GCLC: variants seen among roughly 807,000 people sequenced by gnomAD.
GCLC encodes the protein glutamate--cysteine ligase catalytic subunit.
Under a neutral mutation model 81.5 loss-of-function variants are expected in GCLC, and 30 were observed. The ratio of observed to expected loss-of-function variants is 0.37; its 90% CI spans 0.28 to 0.50. GCLC has a LOEUF of 0.50. GCLC is among the 20% of genes least tolerant of loss of function. The probability of loss-of-function intolerance (pLI) is 0.96; values close to 1 mark genes in which losing one functional copy is unlikely to be tolerated. For synonymous variants in GCLC, 262 were observed against 273.3 expected, an observed-to-expected ratio of 0.96 and a Z score of 0.41; for missense variants, 556 against 777.4, an observed-to-expected ratio of 0.72 and a Z score of 3.39.
At chr6:53,528,454 C>T (rs1035161548) in intron 1 of GCLC, among the ~76,000 whole-genome samples, 1 of 152,066 alleles carries the variant, frequency 6.6e-6, no homozygotes, top group Non-Finnish European at 1.5e-5. Context: ...ATATTTTAAA[C>T]ATATATATTT....
intron 6 of GCLC, among the ~76,000 whole-genome samples, chr6:53,510,966 C>G (rs1273324671): frequency 6.6e-6 from 1 of 152,098 alleles, no homozygotes; most frequent in Non-Finnish European, 1.5e-5. Context: ...ATAACCAAAC[C>G]AAGGGCAGTT....
At chr6:53,513,188 A>C (rs1764789116) in intron 6 of GCLC, 1 of 152,242 alleles carries the variant, frequency 6.6e-6, no homozygotes, top group Non-Finnish European at 1.5e-5. Flanking sequence ...ATGCACAAGA[A>C]GTGTGTGTGC....
At chr6:53,533,396 A>C (rs1763204581) in intron 1 of GCLC, among the ~76,000 whole-genome samples, 1 of 152,226 alleles carries the variant, frequency 6.6e-6, no homozygotes, top group Non-Finnish European at 1.5e-5. Context: ...CCAACTGGCA[A>C]ATCCAGAGGC....
intron 1 of GCLC, among the ~76,000 whole-genome samples, chr6:53,524,413 G>A (rs1404720152): frequency 6.6e-6 from 1 of 152,176 alleles, no homozygotes; most frequent in Non-Finnish European, 1.5e-5. Flanking sequence ...TATAATACTG[G>A]ATGAAACTAT....
Position 53,506,907 on chromosome 6 carries a change from A to G in GCLC, c.1197+6T>C, listed in dbSNP as rs770602152. On this transcript the variant is annotated splice_donor_region_variant and intron_variant, in intron 10 of 15. Transcript: ENST00000650454. This position sits in a 1 kb window ranked among gnomAD's most constrained non-coding sequence, Gnocchi z 4.0. ...TAAATAAATAAAAATAAAACTGAGA[A>G]GATACCTCAAAATGGTCAGACTCAT... The G allele has an allele frequency of 2.9e-6, 4 of 1,371,352 alleles. No homozygotes were observed. The South Asian group carries it at 4.6e-5, about 16-fold the overall frequency. 84.9% of individuals were successfully genotyped at this position (1,371,352 alleles called of 1,614,324 possible).
Position 53,516,235 on chromosome 6 carries a change from G to A in GCLC, c.447-13C>T. On this transcript the variant is annotated splice_polypyrimidine_tract_variant and intron_variant, in intron 3 of 15. Coordinates refer to ENST00000650454, the MANE Select transcript of GCLC (RefSeq NM_001498.4). The stretch of plus-strand genomic sequence containing the variant: ...AGGACAGCCTAATCTACAACAAATT[G>A]AAGAACTAAATAGATGGGATTTGTT... The A allele has an allele frequency of 6.7e-7, 1 of 1,491,776 alleles. No individual in the cohort carries two copies. Among genetic ancestry groups the A allele is most frequent in the South Asian group, 1.1e-5 (1 of 88,618 alleles). The allele number at this position is 1,491,776 out of a possible 1,614,324, so 92.4% of individuals were successfully genotyped here. A position where few individuals can be genotyped will look rare whatever the true frequency, so the allele number is the denominator to read the frequency against.
At chr6:53,502,818 A>G (rs1764538577) in intron 12 of GCLC, among the ~76,000 whole-genome samples, 1 of 152,116 alleles carries the variant, frequency 6.6e-6, no homozygotes, top group Non-Finnish European at 1.5e-5. Context: ...CTATTGTTTC[A>G]TCACTCCCCT....
chr6:53,522,359 A>G (rs1280289643), intron 2 of GCLC, 56 bp downstream of exon 2: 8 of 999,060 alleles, frequency 8.0e-6, no homozygotes, highest in Admixed American at 3.4e-5. Context: ...AAAAAACTCT[A>G]TATTCTAGAA....
chr6:53,502,335 C>T (rs1216314807), intron 12 of GCLC, among the ~76,000 whole-genome samples: 2 of 152,220 alleles, frequency 1.3e-5, no homozygotes, highest in Non-Finnish European at 2.9e-5. Context: ...AATCCCCACA[C>T]GGGCTTACAA....
Position 53,507,526 on chromosome 6 carries a change from G to A in GCLC, c.1038C>T (p.Ile346=), listed in dbSNP as rs757893997. 2 of 1,606,022 alleles carry A rather than the reference G, an allele frequency of 1.2e-6. No individual in the cohort carries two copies. The highest frequency in any genetic ancestry group is 1.7e-5 in the Admixed American group (1 of 60,016). ...LSKCGEKYND[I]DLTIDKEIYE... ...AGATCTCTTTATCTATCGTCAAGTC[G>A]ATGTCATTATATTTCTCACCACACT... Residue 346 remains isoleucine (I), a synonymous_variant, in exon 9 of 16, where the codon ATC becomes ATT. Coordinates refer to ENST00000650454, the MANE Select transcript of GCLC (RefSeq NM_001498.4).
intron 1 of GCLC, among the ~76,000 whole-genome samples, chr6:53,524,142 G>C (rs1763043409): frequency 6.6e-6 from 1 of 152,208 alleles, no homozygotes; most frequent in African/African-American, 2.4e-5. Flanking sequence ...AATGAGAAAG[G>C]ATATGCTTTC....
At chr6:53,500,866 TCA>T in intron 12 of GCLC, 1 of 360,700 alleles carries the variant, frequency 2.8e-6, no homozygotes, top group African/African-American at 2.1e-5. Context: ...TAGCAGTGTC[TCA>T]CCAGGAGTCC....
intron 12 of GCLC, among the ~76,000 whole-genome samples, chr6:53,502,811 T>C (rs938457584): frequency 7.9e-5 from 12 of 152,218 alleles, no homozygotes; most frequent in African/African-American, 2.7e-4. Context: ...CTATGGGCTA[T>C]TGTTTCATCA....
At chr6:53,500,996 A>G (rs1561937450) in intron 12 of GCLC, 3 of 198,754 alleles carry the variant, frequency 1.5e-5, no homozygotes, top group African/African-American at 4.8e-5. Context: ...TCTCACCCCA[A>G]CCTCTGTCTC....
chr6:53,516,295 T>C (rs1764870619), intron 3 of GCLC, 73 bp from the exon 4 acceptor site: 10 of 946,300 alleles, frequency 1.1e-5, no homozygotes, highest in Non-Finnish European at 1.7e-5. Flanking sequence ...TTGCCATCAC[T>C]GCACCTGCCA....
chr6:53,514,578 G>C, intron 4 of GCLC, 81 bp from the exon 5 acceptor site: 1 of 986,268 alleles, frequency 1.0e-6, no homozygotes, highest in African/African-American at 1.6e-5. Context: ...ATACAAGTAA[G>C]TGGAATGAAA....
At chr6:53,516,707 GT>G (rs1764880635) in intron 3 of GCLC, among the ~76,000 whole-genome samples, 1 of 152,170 alleles carries the variant, frequency 6.6e-6, no homozygotes, top group South Asian at 2.1e-4. Flanking sequence ...GAAGGAGCCT[GT>G]TTTTTGCCTC....
chr6:53,530,655 T>C (rs755890120), intron 1 of GCLC, among the ~76,000 whole-genome samples: 3 of 152,186 alleles, frequency 2.0e-5, no homozygotes, highest in East Asian at 3.8e-4. Context: ...CTAAACTTGT[T>C]AGCATTTGTC....
chr6:53,542,515 G>C lies in GCLC; in HGVS notation c.150+1981C>G, dbSNP rs1216277344. Among the ~76,000 whole-genome samples the C allele has an allele frequency of 2.7e-5, 4 of 150,244 alleles. No homozygotes were observed. The East Asian group carries it at 8.0e-4, about 30-fold the overall frequency. On this transcript the variant is annotated intron_variant, in intron 1 of 15. Transcript: ENST00000650454. ...GGAGAGGCCTTTTTTAAAAGGGTAA[G>C]ATTAAGGATTCCTGGAGTGTCTTGC...
Sources: allele counts gnomAD v4.1 joint callset (sites outside exome capture counted in the v4.1 genomes callset), GRCh38; gene constraint gnomAD v4.1.1; non-coding constraint Gnocchi (gnomAD v3.1); transcripts MANE v1.5; gene names NCBI Gene and HGNC (gene_info 2026-07-23, HGNC 2026-07-21).